EFR3A: variants seen among roughly 807,000 people sequenced by gnomAD.
EFR3A encodes protein EFR3 homolog A.
A neutral mutation model predicts 104.4 loss-of-function variants in EFR3A; 76 were observed. The observed-to-expected ratio is 0.73, with a 90% confidence interval of 0.60 to 0.88. The LOEUF (loss-of-function observed/expected upper bound fraction) is 0.88, where lower values mean the gene tolerates loss of function less well. EFR3A is among the 40% of genes least tolerant of loss of function. The pLI is 0.00. For missense variants in EFR3A, 985 were observed against 1,012.5 expected, an observed-to-expected ratio of 0.97 and a Z score of 0.37; for synonymous variants, 330 against 330.0, an observed-to-expected ratio of 1.00 and a Z score of 0.00.
At chr8:131,935,653 A>T (rs1215316598) in intron 1 of EFR3A, 2 of 240,498 alleles carry the variant, frequency 8.3e-6, no homozygotes, top group African/African-American at 4.7e-5. Flanking sequence ...TCAAAGCCAT[A>T]CAGTCAGTTT....
intron 22 of EFR3A, among the ~76,000 whole-genome samples, chr8:132,008,902 G>A (rs28562159): frequency 0.37 from 54,218 of 146,272 alleles, 10,290 homozygotes; most frequent in East Asian, 0.61. Context: ...CTATTGGGCT[G>A]TGATTTACAT....
intron 12 of EFR3A, among the ~76,000 whole-genome samples, 176 bp from the exon 13 acceptor site, chr8:131,978,671 T>C (rs1820437933): frequency 6.6e-6 from 1 of 152,200 alleles, no homozygotes; most frequent in South Asian, 2.1e-4. Context: ...TTATGAATGA[T>C]GTTTTTGTAA....
chr8:131,954,807 T>C (rs1336461462), intron 6 of EFR3A, among the ~76,000 whole-genome samples: 1 of 151,974 alleles, frequency 6.6e-6, no homozygotes, highest in Non-Finnish European at 1.5e-5. Context: ...TAAATTTAAA[T>C]TTTATTTATG....
chr8:131,972,943 A>T (rs975894186), intron 10 of EFR3A, among the ~76,000 whole-genome samples: 1 of 151,508 alleles, frequency 6.6e-6, no homozygotes, highest in African/African-American at 2.4e-5. Context: ...CTATTTATTT[A>T]TTGGACATAT....
At chr8:131,965,692 C>A (rs1334316425) in intron 8 of EFR3A, among the ~76,000 whole-genome samples, 1 of 151,964 alleles carries the variant, frequency 6.6e-6, no homozygotes, top group Non-Finnish European at 1.5e-5. Context: ...ACCATTTGAC[C>A]CAGCCATCCC....
intron 1 of EFR3A, among the ~76,000 whole-genome samples, chr8:131,929,013 T>G (rs1817449612): frequency 6.6e-6 from 1 of 152,196 alleles, no homozygotes; most frequent in Non-Finnish European, 1.5e-5. Flanking sequence ...CCTATTTGCC[T>G]TCAGTGATCT....
rs1284014100 is a variant in EFR3A at position 132,011,386 on chromosome 8, T to C, written c.*491T>C. 2 of 985,998 alleles carry C rather than the reference T, an allele frequency of 2.0e-6. No individual in the cohort carries two copies. Among genetic ancestry groups the C allele is most frequent in the African/African-American group, 3.5e-5 (2 of 57,210 alleles). The allele number at this position is 985,998 out of a possible 1,614,324, so 61.1% of individuals were successfully genotyped here. ...TCGGTGGCTTTTTGTCCCCATGCTT[T>C]AGATAAGCTGGGATAGGCACCTTGC... On this transcript the variant is annotated 3_prime_UTR_variant, in exon 23 of 23. Coordinates refer to ENST00000254624, the MANE Select transcript of EFR3A (RefSeq NM_015137.6).
chr8:131,992,454 G>C (rs1821238977), intron 18 of EFR3A, among the ~76,000 whole-genome samples: 1 of 152,064 alleles, frequency 6.6e-6, no homozygotes, highest in African/African-American at 2.4e-5. Flanking sequence ...TTGTATGGGA[G>C]ATACAAAACC....
At position 131,984,753 on chromosome 8, in the gene EFR3A, ACT is replaced by A. The variant is rs201419517; in HGVS notation, c.1738-171_1738-170del. 1.1e-3 allele frequency among the ~76,000 whole-genome samples: 165 copies of A among 152,266 alleles called. No homozygotes were observed. The Middle Eastern group carries it at 0.014, about 13-fold the overall frequency. ...AAGAGAGTTTAAGTTGGAAAAATTA[ACT>A]CTCTTGTAAAAGAACATTTGTTTTC... On this transcript the variant is annotated intron_variant, in intron 15 of 22. Transcript: ENST00000254624.
chr8:131,910,104 A>G (rs1816442325), intron 1 of EFR3A, among the ~76,000 whole-genome samples: 2 of 152,126 alleles, frequency 1.3e-5, no homozygotes, highest in African/African-American at 2.4e-5. Flanking sequence ...GTACTTTTCC[A>G]TCTCAGGATT....
chr8:131,941,272 G>A (rs114656208), intron 2 of EFR3A, among the ~76,000 whole-genome samples: 2,107 of 151,966 alleles, frequency 0.014, 47 homozygotes, highest in African/African-American at 0.048. Flanking sequence ...ACTGGTTGGG[G>A]TGATTTTGTT....
intron 8 of EFR3A, among the ~76,000 whole-genome samples, chr8:131,964,429 C>T (rs1819576944): frequency 6.6e-6 from 1 of 151,708 alleles, no homozygotes; most frequent in Admixed American, 6.6e-5. Flanking sequence ...ACACCAATAA[C>T]AGACAAACAG....
chr8:131,992,936 C>T (rs1821271392), intron 18 of EFR3A, among the ~76,000 whole-genome samples: 1 of 152,070 alleles, frequency 6.6e-6, no homozygotes, highest in African/African-American at 2.4e-5. Context: ...ATGGTGGTGA[C>T]ATACAGGTAA....
In EFR3A at chr8:131,970,638, C is replaced by T; in HGVS notation, c.1154C>T (p.Thr385Ile). 6.2e-7 allele frequency: 1 copy of T among 1,612,678 alleles called. No homozygotes were observed. The highest frequency in any genetic ancestry group is 8.5e-7 in the Non-Finnish European group (1 of 1,179,364). Residue 385 changes from threonine to isoleucine, a missense_variant, in exon 10 of 23, where the codon ACA becomes ATA. Thr to Ile is a moderately conservative substitution (Grantham distance 89). Coordinates refer to ENST00000254624, the MANE Select transcript of EFR3A (RefSeq NM_015137.6). ...EKIVQNAIIQ[T>I]IGFFGSNLPD... ...ATTGTGCAGAATGCTATCATCCAAA[C>T]AATAGGTGAGTACATTTCACTTTTC...
intron 19 of EFR3A, among the ~76,000 whole-genome samples, chr8:131,997,851 A>G (rs1821575541): frequency 6.6e-6 from 1 of 152,064 alleles, no homozygotes; most frequent in African/African-American, 2.4e-5. Context: ...AAAAATATAT[A>G]GAGAACACTT....
chr8:131,928,733 T>C (rs1007637813), intron 1 of EFR3A, among the ~76,000 whole-genome samples: 1 of 152,120 alleles, frequency 6.6e-6, no homozygotes, highest in Admixed American at 6.6e-5. Flanking sequence ...TATTGTAAAA[T>C]CATGTTTTCC....
chr8:132,005,248 A>G (rs1821974624), intron 22 of EFR3A, among the ~76,000 whole-genome samples: 2 of 152,140 alleles, frequency 1.3e-5, no homozygotes, highest in South Asian at 4.1e-4. Flanking sequence ...CTTTATAGAA[A>G]TGTGTCTTCA....
chr8:131,998,816 G>T (rs1471124328), intron 19 of EFR3A, among the ~76,000 whole-genome samples: 1 of 151,792 alleles, frequency 6.6e-6, no homozygotes, highest in Admixed American at 6.6e-5. Flanking sequence ...ATAAATTGGT[G>T]GTTGACTTTA....
At chr8:131,905,422 A>T (rs574217901) in intron 1 of EFR3A, among the ~76,000 whole-genome samples, 4 of 152,286 alleles carry the variant, frequency 2.6e-5, no homozygotes, top group East Asian at 3.9e-4. Flanking sequence ...ATATTTAAGG[A>T]TATTAAATTT....
Sources: gnomAD v4.1 joint callset for allele counts (sites outside exome capture counted in the v4.1 genomes callset) on GRCh38, gnomAD v4.1.1 for gene constraint, MANE v1.5 for transcripts, NCBI Gene and HGNC (gene_info 2026-07-23, HGNC 2026-07-21) for gene names.